LRMDA: variants seen among roughly 807,000 people sequenced by gnomAD.
LRMDA encodes leucine-rich melanocyte differentiation-associated protein.
LRMDA carries 18 observed loss-of-function variants against 29.8 expected under a neutral mutation model. The ratio of observed to expected loss-of-function variants is 0.60; its 90% confidence interval spans 0.42 to 0.90. The LOEUF (loss-of-function observed/expected upper bound fraction) is 0.90, where lower values mean the gene tolerates loss of function less well. Among genes scored for constraint, LRMDA ranks in the 40% least tolerant of loss-of-function variants. The pLI, the probability that LRMDA is intolerant of heterozygous loss-of-function variation, is 0.00. For synonymous variants in LRMDA, 125 were observed against 109.4 expected (o/e 1.14, Z -0.89); for missense variants, 273 against 273.9 (o/e 1.00, Z 0.02).
intron 6 of LRMDA, among the ~76,000 whole-genome samples, chr10:76,539,640 G>T (rs111500575): frequency 2.6e-5 from 4 of 152,276 alleles, no homozygotes; most frequent in African/African-American, 9.6e-5. Context: ...CTCATCTCAA[G>T]ATTGGAATGT....
In LRMDA at chr10:75,558,050, A is replaced by G. The variant is rs563178352; in HGVS notation, c.131+119556A>G. Among the ~76,000 whole-genome samples the G allele has an allele frequency of 1.4e-3, 213 of 152,222 alleles. 1 individual carries two copies. The highest frequency in any genetic ancestry group is 3.4e-3 in the Middle Eastern group (1 of 294). On this transcript the variant is annotated intron_variant, in intron 2 of 6. Coordinates refer to ENST00000611255, the MANE Select transcript of LRMDA (RefSeq NM_001305581.2). ...GAAAGGGTATGCACTGCACTGCTTC[A>G]TCGGACAAACAACACTCATGCCCCC...
chr10:75,702,922 A>T (rs1842325916), intron 2 of LRMDA, among the ~76,000 whole-genome samples: 2 of 152,236 alleles, frequency 1.3e-5, no homozygotes, highest in Non-Finnish European at 2.9e-5. Flanking sequence ...AGGACTACAG[A>T]TATCAGCCCC....
At chr10:76,397,226 G>A (rs770054589) in intron 6 of LRMDA, among the ~76,000 whole-genome samples, 4 of 152,148 alleles carry the variant, frequency 2.6e-5, no homozygotes, top group Non-Finnish European at 4.4e-5. Context: ...AGACCAGGGT[G>A]GAGAAGGAGG....
At chr10:76,128,750 G>C (rs575825428) in intron 5 of LRMDA, among the ~76,000 whole-genome samples, 1 of 152,166 alleles carries the variant, frequency 6.6e-6, no homozygotes, top group African/African-American at 2.4e-5. Flanking sequence ...AGTACAAGGC[G>C]AGGGACCTTT....
intron 5 of LRMDA, among the ~76,000 whole-genome samples, chr10:76,322,399 A>C (rs923256037): frequency 2.6e-5 from 4 of 152,228 alleles, no homozygotes; most frequent in Non-Finnish European, 5.9e-5. Flanking sequence ...CATAGTTTGC[A>C]AAATCATTCT....
At chr10:75,925,279 T>C (rs1342713833) in intron 2 of LRMDA, among the ~76,000 whole-genome samples, 1 of 152,056 alleles carries the variant, frequency 6.6e-6, no homozygotes, top group Non-Finnish European at 1.5e-5. Context: ...CTCCTGGCGG[T>C]GAGGTTAATT....
intron 2 of LRMDA, among the ~76,000 whole-genome samples, chr10:75,527,868 G>A (rs980131270): frequency 4.0e-5 from 6 of 151,542 alleles, no homozygotes; most frequent in Admixed American, 3.9e-4. Flanking sequence ...CTGCAGCCTC[G>A]ACCTTCTGGG....
intron 2 of LRMDA, among the ~76,000 whole-genome samples, chr10:76,010,047 G>A (rs1172945498): frequency 6.6e-6 from 1 of 152,112 alleles, no homozygotes; most frequent in East Asian, 1.9e-4. Flanking sequence ...AATCAGCATA[G>A]CAGCCAAGTT....
Position 76,055,367 on chromosome 10 carries a change from C to T in LRMDA, c.399-3299C>T, listed in dbSNP as rs970013664. On this transcript the variant is annotated intron_variant, in intron 4 of 6. Coordinates refer to ENST00000611255, the MANE Select transcript of LRMDA (RefSeq NM_001305581.2). ...CTGTGAAGGTTATTCCTGCAGACCT[C>T]TAAACTATTCTCTCTGGCTTTGGGA... Among the ~76,000 whole-genome samples the T allele has an allele frequency of 2.0e-5, 3 of 152,208 alleles. No individual in the cohort carries two copies. The East Asian group carries it at 5.8e-4, about 29-fold the overall frequency.
At chr10:75,719,538 T>C (rs1227608173) in intron 2 of LRMDA, among the ~76,000 whole-genome samples, 1 of 152,232 alleles carries the variant, frequency 6.6e-6, no homozygotes, top group Non-Finnish European at 1.5e-5. Flanking sequence ...CCAGGGTGGA[T>C]TTAATTTTTA....
At chr10:75,457,462 C>G (rs1289151988) in intron 2 of LRMDA, among the ~76,000 whole-genome samples, 1 of 152,208 alleles carries the variant, frequency 6.6e-6, no homozygotes, top group Admixed American at 6.5e-5. Context: ...GGTATGGGTT[C>G]TCCCATCAAA....
intron 2 of LRMDA, among the ~76,000 whole-genome samples, chr10:75,630,228 A>G (rs1000043256): frequency 9.9e-5 from 15 of 152,132 alleles, no homozygotes; most frequent in African/African-American, 3.1e-4. Flanking sequence ...TTGTTAAGGC[A>G]GAATTAGCTG....
chr10:75,616,249 TAGCAGCAGCAGCAGCAGC>T (rs58265820), intron 2 of LRMDA, among the ~76,000 whole-genome samples: 3 of 150,302 alleles, frequency 2.0e-5, no homozygotes, highest in Admixed American at 6.6e-5. Context: ...GTAGCAGCAG[TAGCAGCAGCAGCAGCAGC>T]AGCAGCAGCA....
At chr10:75,669,763 A>G (rs1841868605) in intron 2 of LRMDA, among the ~76,000 whole-genome samples, 1 of 152,208 alleles carries the variant, frequency 6.6e-6, no homozygotes, top group African/African-American at 2.4e-5. Context: ...GTGACACTAT[A>G]TCATTTTTAA....
intron 2 of LRMDA, among the ~76,000 whole-genome samples, chr10:75,835,179 T>G (rs955124875): frequency 2.0e-5 from 3 of 152,192 alleles, no homozygotes; most frequent in African/African-American, 4.8e-5. Context: ...GGGCTAAAAT[T>G]AAGGTGATGG....
At chr10:76,391,737 G>A (rs1321461423) in intron 6 of LRMDA, among the ~76,000 whole-genome samples, 1 of 152,116 alleles carries the variant, frequency 6.6e-6, no homozygotes, top group Non-Finnish European at 1.5e-5. Context: ...GAAAGCTTTG[G>A]ATAGCCCAGC....
chr10:76,463,194 C>G (rs1292834934), intron 6 of LRMDA, among the ~76,000 whole-genome samples: 2 of 152,168 alleles, frequency 1.3e-5, no homozygotes, highest in Non-Finnish European at 2.9e-5. Context: ...AGCTCTAGAG[C>G]TGCAGGAGCC....
intron 5 of LRMDA, among the ~76,000 whole-genome samples, chr10:76,086,224 T>G (rs1465729040): frequency 6.6e-6 from 1 of 152,186 alleles, no homozygotes; most frequent in Non-Finnish European, 1.5e-5. Flanking sequence ...GGAGCACCCC[T>G]CCCAACTTTT....
At chr10:76,349,321 T>TCCATAA (rs1841146767) in intron 6 of LRMDA, among the ~76,000 whole-genome samples, 1 of 152,172 alleles carries the variant, frequency 6.6e-6, no homozygotes, top group African/African-American at 2.4e-5. Context: ...CCAATGGGGT[T>TCCATAA]GGCTGTGTTC....
Sources: gnomAD v4.1 joint callset for allele counts (sites outside exome capture counted in the v4.1 genomes callset) on GRCh38, gnomAD v4.1.1 for gene constraint, MANE v1.5 for transcripts, NCBI Gene and HGNC (gene_info 2026-07-23, HGNC 2026-07-21) for gene names.